The following KAZN variants were observed in gnomAD, a reference collection of about 807,000 sequenced individuals.
KAZN encodes kazrin, periplakin interacting protein, also known as kazrin.
In KAZN, 40 loss-of-function variants were observed where a neutral mutation model predicts 87.4. That is an observed-to-expected ratio of 0.46 (90% CI 0.36 to 0.60). The LOEUF (loss-of-function observed/expected upper bound fraction) is 0.60, where lower values mean the gene tolerates loss of function less well. Among genes scored for constraint, KAZN ranks in the 20% least tolerant of loss-of-function variants. The pLI is 0.00. For missense variants in KAZN, 898 were observed against 1,073.9 expected, an observed-to-expected ratio of 0.84 and a Z score of 2.29; for synonymous variants, 466 against 458.3, an observed-to-expected ratio of 1.02 and a Z score of -0.22.
At chr1:14,439,085 T>A (rs1161922060) in intron 2 of KAZN, among the ~76,000 whole-genome samples, 1 of 152,226 alleles carries the variant, frequency 6.6e-6, no homozygotes, top group Non-Finnish European at 1.5e-5. Context: ...TCTACTGGGA[T>A]TTCCAATAAA....
chr1:14,471,642 C>T (rs1668460255), intron 2 of KAZN, among the ~76,000 whole-genome samples: 2 of 152,172 alleles, frequency 1.3e-5, no homozygotes, highest in South Asian at 4.1e-4. Flanking sequence ...AAATGACCTG[C>T]CCCTGCCCTC....
At chr1:15,082,660 G>T (rs4501834) in intron 8 of KAZN, among the ~76,000 whole-genome samples, 1 of 151,976 alleles carries the variant, frequency 6.6e-6, no homozygotes, top group Non-Finnish European at 1.5e-5. Context: ...AATTTACAAG[G>T]CCTTTACCTC....
intron 2 of KAZN, among the ~76,000 whole-genome samples, chr1:14,974,716 A>G (rs934442913): frequency 2.0e-5 from 3 of 152,214 alleles, no homozygotes; most frequent in Admixed American, 6.5e-5. Flanking sequence ...GGAAAAATGT[A>G]TATAGGATAT....
At position 14,677,897 on chromosome 1, in the gene KAZN, G is replaced by A. The variant is rs144258544; in HGVS notation, c.226+78674G>A. Among the ~76,000 whole-genome samples, 368 of 152,304 alleles carry A rather than the reference G, an allele frequency of 2.4e-3. 5 individuals are homozygous for A. The highest frequency in any genetic ancestry group is 8.4e-3 in the African/African-American group (348 of 41,578). ...GTCCCAGAACCTCCCAGGTGTCCAT[G>A]CAGCTGGTATGTGTGCTTTACGGAG... On this transcript the variant is annotated intron_variant, in intron 1 of 14. Coordinates refer to ENST00000376030, the MANE Select transcript of KAZN (RefSeq NM_201628.3).
chr1:14,405,858 T>C (rs1663807053), intron 2 of KAZN, among the ~76,000 whole-genome samples: 1 of 148,444 alleles, frequency 6.7e-6, no homozygotes, highest in African/African-American at 2.5e-5. Flanking sequence ...TTTTTCTTAT[T>C]TGGGGGAGGA....
At chr1:14,628,804 C>T (rs1679335035) in intron 1 of KAZN, among the ~76,000 whole-genome samples, 1 of 151,644 alleles carries the variant, frequency 6.6e-6, no homozygotes, top group Admixed American at 6.6e-5. Context: ...ATCATTAACA[C>T]TTAACAAAAC....
At chr1:14,574,694 C>T (rs1213837841) in intron 2 of KAZN, among the ~76,000 whole-genome samples, 3 of 152,066 alleles carry the variant, frequency 2.0e-5, no homozygotes, top group Non-Finnish European at 2.9e-5. Flanking sequence ...TTCATTCAAC[C>T]ATCATTTGTT....
At chr1:14,538,378 A>G (rs369423655) in intron 2 of KAZN, among the ~76,000 whole-genome samples, 1 of 152,256 alleles carries the variant, frequency 6.6e-6, no homozygotes, top group East Asian at 1.9e-4. Context: ...TTTTTGTGCT[A>G]TAACAACATA....
Position 14,833,766 on chromosome 1 carries a change from G to A in KAZN, c.227-126918G>A, listed in dbSNP as rs376895858. 1.6e-4 allele frequency among the ~76,000 whole-genome samples: 24 copies of A among 152,232 alleles called. No individual in the cohort carries two copies. In the South Asian group the frequency reaches 2.3e-3, roughly 14 times the overall value. ...TCTTGTTCCTCGTCCCGGAACCCTT[G>A]CTAATAGACCCTGGAGCCAGGTGTT... is the stretch of plus-strand genomic sequence containing the variant. On this transcript the variant is annotated intron_variant, in intron 1 of 14. Transcript: ENST00000376030.
At chr1:13,970,500 T>C (rs1380333293) in intron 1 of KAZN, among the ~76,000 whole-genome samples, 1 of 152,132 alleles carries the variant, frequency 6.6e-6, no homozygotes, top group Admixed American at 6.5e-5. Context: ...ACCCTGAGGG[T>C]CTGACTTGCA....
At chr1:14,087,085 C>T (rs1030879640) in intron 1 of KAZN, among the ~76,000 whole-genome samples, 8 of 152,118 alleles carry the variant, frequency 5.3e-5, no homozygotes, top group Admixed American at 2.6e-4. Flanking sequence ...GGAGAACGGA[C>T]GTCACCATCA....
intron 1 of KAZN, among the ~76,000 whole-genome samples, chr1:14,633,880 C>CTATA (rs1205714762): frequency 4.0e-5 from 6 of 151,196 alleles, no homozygotes; most frequent in African/African-American, 1.5e-4. Context: ...CTCTCTCTCT[C>CTATA]TCTCTATATA....
intron 2 of KAZN, among the ~76,000 whole-genome samples, chr1:14,500,415 A>G (rs775473583): frequency 2.6e-5 from 4 of 152,120 alleles, no homozygotes; most frequent in Non-Finnish European, 5.9e-5. Flanking sequence ...ATTTCTCAAA[A>G]CTTAAGTAGT....
intron 2 of KAZN, among the ~76,000 whole-genome samples, chr1:14,482,441 T>G (rs550442137): frequency 2.0e-5 from 3 of 152,300 alleles, no homozygotes; most frequent in African/African-American, 7.2e-5. Flanking sequence ...CTGGTCTCTG[T>G]TCTGCTTCTG....
rs1308874556 is a variant in KAZN at position 14,599,918 on chromosome 1, C to T, written c.226+695C>T. Among the ~76,000 whole-genome samples, 1 of 151,702 alleles carries T rather than the reference C, an allele frequency of 6.6e-6. No homozygotes were observed. Among genetic ancestry groups the T allele is most frequent in the Admixed American group, 6.6e-5 (1 of 15,208 alleles). On this transcript the variant is annotated intron_variant, in intron 1 of 14. Transcript: ENST00000376030. This position sits in a 1 kb window ranked among gnomAD's most constrained non-coding sequence, Gnocchi z 4.4. ...GCTTAGGGTGGTGGGCTGCAGGGAGCCCGTTTGAAGGGACTCTGCGGTTTA... is the reference window on the plus strand; with the variant it reads ...GCTTAGGGTGGTGGGCTGCAGGGAGTCCGTTTGAAGGGACTCTGCGGTTTA...
chr1:13,943,615 A>G (rs1378933273), intron 1 of KAZN, among the ~76,000 whole-genome samples: 2 of 152,128 alleles, frequency 1.3e-5, no homozygotes, highest in Non-Finnish European at 2.9e-5. Context: ...CAGGTAGAAG[A>G]AACATGATCC....
At chr1:14,276,264 A>ACATCATCAT (rs36027877) in intron 2 of KAZN, among the ~76,000 whole-genome samples, 1 of 151,408 alleles carries the variant, frequency 6.6e-6, no homozygotes, top group African/African-American at 2.4e-5. Context: ...TACTTCATCA[A>ACATCATCAT]CATCATCATC....
At chr1:14,107,186 C>T (rs112808981) in intron 1 of KAZN, among the ~76,000 whole-genome samples, 2,231 of 151,560 alleles carry the variant, frequency 0.015, 67 homozygotes, top group African/African-American at 0.051. Flanking sequence ...TCATTCAGAG[C>T]CCAGGTGAGA....
At chr1:14,966,223 G>A (rs1664443238) in intron 2 of KAZN, among the ~76,000 whole-genome samples, 2 of 151,996 alleles carry the variant, frequency 1.3e-5, no homozygotes, top group Admixed American at 1.3e-4. Flanking sequence ...TAAGCAATCT[G>A]CCTGCCTCGG....
Sources: gnomAD v4.1 joint callset for allele counts (sites outside exome capture counted in the v4.1 genomes callset) on GRCh38, gnomAD v4.1.1 for gene constraint, Gnocchi (gnomAD v3.1) non-coding constraint, MANE v1.5 for transcripts, NCBI Gene and HGNC (gene_info 2026-07-23, HGNC 2026-07-21) for gene names.